The following GALNS variants were observed in gnomAD, a reference collection of about 807,000 sequenced individuals.
GALNS encodes the protein galactosamine (N-acetyl)-6-sulfatase.
In GALNS, 65 loss-of-function variants were observed where a neutral mutation model predicts 65.9. The ratio of observed to expected loss-of-function variants is 0.99; its 90% CI spans 0.81 to 1.21. GALNS has a LOEUF of 1.21. GALNS is among the 50% of genes most tolerant of loss of function. The probability of loss-of-function intolerance (pLI) is 0.00; values close to 1 mark genes in which losing one functional copy is unlikely to be tolerated. For synonymous variants in GALNS, 346 were observed against 288.9 expected (o/e 1.20, Z -2.00); for missense variants, 776 against 700.7 (o/e 1.11, Z -1.21).
chr16:88,817,143 C>G (rs544378403), intron 13 of GALNS: 1 of 985,360 alleles, frequency 1.0e-6, no homozygotes, highest in Admixed American at 6.1e-5. Context: ...ACTGCACACG[C>G]GGGATGGCTG....
intron 10 of GALNS, 39 bp downstream of exon 10, chr16:88,826,663 T>G: frequency 6.2e-7 from 1 of 1,601,214 alleles, no homozygotes; most frequent in Non-Finnish European, 8.5e-7. Flanking sequence ...CTTCACTACT[T>G]GGATCGGGGG....
chr16:88,851,555 C>A (rs1394346231), intron 1 of GALNS, among the ~76,000 whole-genome samples: 18 of 152,204 alleles, frequency 1.2e-4, no homozygotes, highest in African/African-American at 4.3e-4. Flanking sequence ...CAGGGTGGGG[C>A]ATCGCCTCAC....
intron 13 of GALNS, chr16:88,815,315 C>T (rs1271689610): frequency 1.0e-6 from 1 of 985,330 alleles, no homozygotes; most frequent in East Asian, 1.1e-4. Flanking sequence ...GGCGGTCCTC[C>T]CAGGAGGGCC....
chr16:88,830,941 A>C (rs73252814), intron 9 of GALNS, among the ~76,000 whole-genome samples: 1 of 152,030 alleles, frequency 6.6e-6, no homozygotes, highest in Non-Finnish European at 1.5e-5. Context: ...GCCTGCTCTA[A>C]GCCCCTTCTA....
Position 88,815,070 on chromosome 16 carries a change from C to A in GALNS, c.1483-545G>T, listed in dbSNP as rs989076488. ...GATGTGTCCCCTGCCCAGGTCAACC[C>A]CGGACCCCAACCAATTGGCCTCAGT... On this transcript the variant is annotated intron_variant, in intron 13 of 13. Transcript: ENST00000268695. The A allele has an allele frequency of 5.8e-6, 5 of 863,878 alleles. No homozygotes were observed. The African/African-American group carries it at 2.8e-4, about 48-fold the overall frequency. The allele number at this position is 863,878 out of a possible 1,614,324, so 53.5% of individuals were successfully genotyped here.
Position 88,837,641 on chromosome 16 carries a change from C to T in GALNS, c.547G>A (p.Asp183Asn). ...KARPNIPVYR[D>N]WEMVGRYYEE... is the part of the protein sequence containing the mutation. Reference sequence around the variant, plus strand: ...CATTACCTGCCAACCATCTCCCAGTCCCTGTACACAGGGATGTTGGGCCTG... The same window carrying T: ...CATTACCTGCCAACCATCTCCCAGTTCCTGTACACAGGGATGTTGGGCCTG... Residue 183 changes from aspartate to asparagine, a missense_variant, in exon 5 of 14, where the codon GAC becomes AAC. By Grantham distance (23) the Asp-to-Asn change is conservative. Transcript: ENST00000268695. 8 of 1,613,674 alleles carry T rather than the reference C, an allele frequency of 5.0e-6. No individual in the cohort carries two copies. Among genetic ancestry groups the T allele is most frequent in the Non-Finnish European group, 5.9e-6 (7 of 1,180,000 alleles).
At chr16:88,816,932 C>T (rs1425255146) in intron 13 of GALNS, 4 of 985,352 alleles carry the variant, frequency 4.1e-6, no homozygotes, top group Non-Finnish European at 4.8e-6. Context: ...TGAGCGACGG[C>T]CCAGGGGCCT....
rs1236648198 is a variant in GALNS, at chr16:88,833,680, G to A, written c.898+1533C>T. 2.0e-5 allele frequency among the ~76,000 whole-genome samples: 3 copies of A among 151,990 alleles called. No individual in the cohort carries two copies. In the East Asian group the frequency reaches 5.8e-4, roughly 29 times the overall value. On this transcript the variant is annotated intron_variant, in intron 8 of 13. Transcript: ENST00000268695. ...TTAGCCAGGATGGTCTCGACCTCCT[G>A]ACCTCGTGATCCACCCGCCTCAGCC... is the stretch of plus-strand genomic sequence containing the variant.
At position 88,856,738 on chromosome 16, in the gene GALNS, G is replaced by T; in HGVS notation, c.120+20C>A. ...CCCCGCCCCACCCCGGCCCTGCCCC[G>T]TCCCACCGCCCGCACTCACGTCGTC... On this transcript the variant is annotated intron_variant, in intron 1 of 13. Coordinates refer to ENST00000268695, the MANE Select transcript of GALNS (RefSeq NM_000512.5). 1.6e-6 allele frequency: 1 copy of T among 630,826 alleles called. No homozygotes were observed. Among genetic ancestry groups the T allele is most frequent in the Non-Finnish European group, 2.5e-6 (1 of 399,214 alleles). 39.1% of individuals were successfully genotyped at this position (630,826 alleles called of 1,614,324 possible).
intron 5 of GALNS, among the ~76,000 whole-genome samples, chr16:88,837,140 G>A (rs1038977127): frequency 2.6e-5 from 4 of 152,294 alleles, no homozygotes; most frequent in Non-Finnish European, 5.9e-5. Flanking sequence ...TCCCGGACCC[G>A]GCACTGCCGT....
At chr16:88,836,071 G>T in intron 6 of GALNS, 130 bp downstream of exon 6, 2 of 1,093,400 alleles carry the variant, frequency 1.8e-6, no homozygotes, top group Non-Finnish European at 2.7e-6. Context: ...GGGTGATGAG[G>T]TCCCTGAACC....
At position 88,818,111 on chromosome 16, in the gene GALNS, C is replaced by T. The variant is rs751974571; in HGVS notation, c.1378G>A (p.Glu460Lys). 22 of 1,573,044 alleles carry T rather than the reference C, an allele frequency of 1.4e-5. No homozygotes were observed. Among genetic ancestry groups the T allele is most frequent in the South Asian group, 2.3e-5 (2 of 86,474 alleles). ...ATCCTGCTGAGGGCCTCCTGGTACT[C>T]GGCGCTGGCAAAGCTGGGGACAGAG... is the stretch of plus-strand genomic sequence containing the variant. ...ERFPLSFASA[E>K]YQEALSRITS... The change falls in exon 13 of 14, where the codon GAG becomes AAG. Residue 460 changes from glutamate (E) to lysine (K), a missense_variant. Glu to Lys is a moderately conservative substitution (Grantham distance 56). Coordinates refer to ENST00000268695, the MANE Select transcript of GALNS (RefSeq NM_000512.5).
chr16:88,856,508 G>A, intron 1 of GALNS: 1 of 698,324 alleles, frequency 1.4e-6, no homozygotes, highest in Non-Finnish European at 2.6e-6. Flanking sequence ...TGTGGTGATC[G>A]GTGACCGCCG....
chr16:88,827,930 C>T (rs1020531520), intron 9 of GALNS, among the ~76,000 whole-genome samples: 1 of 152,362 alleles, frequency 6.6e-6, no homozygotes, highest in East Asian at 1.9e-4. Context: ...GGGGCACCCT[C>T]GCCGCCTGCA....
At chr16:88,819,557 A>C (rs1041724209) in intron 12 of GALNS, among the ~76,000 whole-genome samples, 1 of 152,108 alleles carries the variant, frequency 6.6e-6, no homozygotes, top group Non-Finnish European at 1.5e-5. Flanking sequence ...TATTTTTTAG[A>C]GACAGGATCT....
chr16:88,844,948 A>C (rs372688882), intron 1 of GALNS: 23 of 152,278 alleles, frequency 1.5e-4, no homozygotes, highest in African/African-American at 5.1e-4. Context: ...TTTATTCATC[A>C]ACATCTGAAT....
chr16:88,850,287 C>T (rs1036687744), intron 1 of GALNS, among the ~76,000 whole-genome samples: 1 of 152,142 alleles, frequency 6.6e-6, no homozygotes, highest in Admixed American at 6.5e-5. Context: ...GCCATGTGCC[C>T]GACCCTCCCT....
chr16:88,832,069 G>C lies in GALNS; in HGVS notation c.931C>G (p.Gln311Glu). ...CTCATCCCTCCTTCAAACGTGGTCT[G>C]CTTCCCACACAGAAAGGGGCCGTTG... ...GSNGPFLCGK[Q>E]TTFEGGMREP... Residue 311 changes from glutamine (Q) to glutamate (E), a missense_variant, in exon 9 of 14, where the codon CAG becomes GAG. By Grantham distance (29) the Gln-to-Glu change is conservative. Transcript: ENST00000268695. 6.2e-7 allele frequency: 1 copy of C among 1,613,896 alleles called. No homozygotes were observed. The highest frequency in any genetic ancestry group is 8.5e-7 in the Non-Finnish European group (1 of 1,179,918).
At chr16:88,834,465 C>A (rs1179129936) in intron 8 of GALNS, among the ~76,000 whole-genome samples, 86 of 94,030 alleles carry the variant, frequency 9.1e-4, no homozygotes, top group African/African-American at 3.4e-3. Context: ...TAGGGCCCCC[C>A]CCGTGTGGTC....
Sources: gnomAD v4.1 joint callset for allele counts (sites outside exome capture counted in the v4.1 genomes callset) on GRCh38, gnomAD v4.1.1 for gene constraint, MANE v1.5 for transcripts, NCBI Gene and HGNC (gene_info 2026-07-23, HGNC 2026-07-21) for gene names.